The following RIMBP2 variants were observed in gnomAD, a reference collection of about 807,000 sequenced individuals.
RIMBP2 encodes RIMS binding protein 2, also known as RIMS-binding protein 2.
In RIMBP2, 48 loss-of-function variants were observed where a neutral mutation model predicts 118.6. The ratio of observed to expected loss-of-function variants is 0.40; its 90% CI spans 0.32 to 0.51. RIMBP2 has a LOEUF of 0.51. Ranked by LOEUF, RIMBP2 falls within the 20% of genes least tolerant of loss-of-function variation. The pLI, the probability that RIMBP2 is intolerant of heterozygous loss-of-function variation, is 0.41. For missense variants in RIMBP2, 1,551 were observed against 1,768.3 expected, an observed-to-expected ratio of 0.88 and a Z score of 2.20; for synonymous variants, 762 against 742.9, an observed-to-expected ratio of 1.03 and a Z score of -0.42.
At chr12:130,427,562 G>A (rs2076873948) in intron 15 of RIMBP2, 1 of 152,316 alleles carries the variant, frequency 6.6e-6, no homozygotes, top group African/African-American at 2.4e-5. Flanking sequence ...TATTCCTGCA[G>A]GTAACTGCCC....
intron 2 of RIMBP2, among the ~76,000 whole-genome samples, chr12:130,579,858 G>A (rs2058342957): frequency 6.6e-6 from 1 of 151,846 alleles, no homozygotes; most frequent in Non-Finnish European, 1.5e-5. Context: ...GGGAGGCAAG[G>A]GAGGCAAAAC....
intron 1 of RIMBP2, among the ~76,000 whole-genome samples, chr12:130,663,456 C>G (rs4759743): frequency 0.56 from 83,047 of 149,392 alleles, 24,091 homozygotes; most frequent in Non-Finnish European, 0.64. Flanking sequence ...GCCTTTTTTT[C>G]CACTGAAAAC....
chr12:130,451,266 G>T lies in RIMBP2; in HGVS notation c.433C>A (p.Pro145Thr), dbSNP rs776284629. ...IRPLPQPGDR[P>T]EPLSAKPTFL... The stretch of plus-strand genomic sequence containing the variant: ...GTGGGCTTGGCGGACAGAGGCTCCG[G>T]CCTGTCACCAGGCTGCGGAAGGGGC... Residue 145 changes from proline (P) to threonine (T), a missense_variant, in exon 8 of 23, where the codon CCG becomes ACG. Pro to Thr is a conservative substitution (Grantham distance 38, BLOSUM62 -1). Coordinates refer to ENST00000690449, the MANE Select transcript of RIMBP2 (RefSeq NM_001393629.1). The T allele has an allele frequency of 3.7e-6, 6 of 1,614,198 alleles. No individual in the cohort carries two copies. Among genetic ancestry groups the T allele is most frequent in the Non-Finnish European group, 5.1e-6 (6 of 1,180,036 alleles).
chr12:130,524,915 G>A (rs1318748448), intron 2 of RIMBP2, among the ~76,000 whole-genome samples: 1 of 152,206 alleles, frequency 6.6e-6, no homozygotes, highest in African/African-American at 2.4e-5. Context: ...GCAGGTTTAA[G>A]GGATGGGGCA....
In RIMBP2 at chr12:130,511,149, C is replaced by T. The variant is rs1439341379; in HGVS notation, c.-126-4379G>A. On this transcript the variant is annotated intron_variant, in intron 3 of 22. Coordinates refer to ENST00000690449, the MANE Select transcript of RIMBP2 (RefSeq NM_001393629.1). The surrounding 1 kb of genome is among the most constrained non-coding windows in gnomAD (Gnocchi z 4.3). ...GTCACAGAGCCCTTATCAGGAAAAG[C>T]AGAGTCAGAGACAAAAAAGAGAGAG... Among the ~76,000 whole-genome samples, 1 of 150,908 alleles carries T rather than the reference C, an allele frequency of 6.6e-6. No individual in the cohort carries two copies. The highest frequency in any genetic ancestry group is 1.5e-5 in the Non-Finnish European group (1 of 67,508).
At chr12:130,438,335 A>AGCCCCCCCCCCCCCCCC in intron 12 of RIMBP2, 30 bp downstream of exon 12, 2 of 865,010 alleles carry the variant, frequency 2.3e-6, no homozygotes, top group Non-Finnish European at 3.8e-6. Context: ...GGCCTAACAA[A>AGCCCCCCCCCCCCCCCC]CCCTCCCCAC....
chr12:130,441,306 C>T (rs765342629), intron 11 of RIMBP2, among the ~76,000 whole-genome samples: 50 of 151,682 alleles, frequency 3.3e-4, no homozygotes, highest in Non-Finnish European at 5.7e-4. Context: ...GAGGCTGAGG[C>T]AGGAGAATCG....
At position 130,619,602 on chromosome 12, in the gene RIMBP2, C is replaced by T. The variant is rs2061172810; in HGVS notation, c.-217+8720G>A. On this transcript the variant is annotated intron_variant, in intron 2 of 22. Transcript: ENST00000690449. ...ACACAAAACAGGAAATGCACACGCA[C>T]GTGTTATTCTTTCCATGGCGACTGA... is the stretch of plus-strand genomic sequence containing the variant. Among the ~76,000 whole-genome samples, 4 of 152,158 alleles carry T rather than the reference C, an allele frequency of 2.6e-5. No homozygotes were observed. In the South Asian group the frequency reaches 8.3e-4, roughly 32 times the overall value.
At chr12:130,677,359 G>A (rs2064539867) in intron 1 of RIMBP2, among the ~76,000 whole-genome samples, 1 of 152,172 alleles carries the variant, frequency 6.6e-6, no homozygotes, top group Non-Finnish European at 1.5e-5. Context: ...CGGGTGCAGT[G>A]GCTCACAGCT....
chr12:130,497,302 C>T (rs1327696106), intron 4 of RIMBP2, among the ~76,000 whole-genome samples: 2 of 152,206 alleles, frequency 1.3e-5, no homozygotes, highest in African/African-American at 4.8e-5. Flanking sequence ...AGCTTCTCAC[C>T]TGCCTTCTGC....
chr12:130,559,409 C>T (rs368200926), intron 2 of RIMBP2, among the ~76,000 whole-genome samples: 23 of 152,040 alleles, frequency 1.5e-4, no homozygotes, highest in Non-Finnish European at 2.2e-4. Context: ...GAGTAGATCA[C>T]GTGCCGTTTG....
At chr12:130,682,286 T>G (rs1457119766) in intron 1 of RIMBP2, among the ~76,000 whole-genome samples, 2 of 152,140 alleles carry the variant, frequency 1.3e-5, no homozygotes, top group Non-Finnish European at 2.9e-5. Context: ...TACTGCCGGC[T>G]GGATGCTGGG....
At position 130,431,634 on chromosome 12, in the gene RIMBP2, A is replaced by G. The variant is rs2077161281; in HGVS notation, c.2253+3100T>C. On this transcript the variant is annotated intron_variant, in intron 14 of 22. Transcript: ENST00000690449. The surrounding 1 kb of genome is among the most constrained non-coding windows in gnomAD (Gnocchi z 4.0). ...TATGTTATGAATACAACATAAAACA[A>G]TGCTGCTAAATATTAACGCTTTTTA... 1 of 155,570 alleles carries G rather than the reference A, an allele frequency of 6.4e-6. No homozygotes were observed. Among genetic ancestry groups the G allele is most frequent in the African/African-American group, 2.4e-5 (1 of 41,414 alleles). The allele number at this position is 155,570 out of a possible 1,614,324, so 9.6% of individuals were successfully genotyped here. A position where few individuals can be genotyped will look rare whatever the true frequency, so the allele number is the denominator to read the frequency against.
chr12:130,647,393 C>CTCCATGCAGTGACTT (rs1555317844), intron 1 of RIMBP2, among the ~76,000 whole-genome samples: 1 of 146,820 alleles, frequency 6.8e-6, no homozygotes, highest in African/African-American at 2.4e-5. Flanking sequence ...AAGGTAATAG[C>CTCCATGCAGTGACTT]AGCTTAAAAC....
At position 130,424,180 on chromosome 12, in the gene RIMBP2, G is replaced by T. The variant is rs1426716613; in HGVS notation, c.3091C>A (p.His1031Asn). The T allele has an allele frequency of 8.1e-7, 1 of 1,232,058 alleles. No homozygotes were observed. The highest frequency in any genetic ancestry group is 4.2e-5 in the Admixed American group (1 of 23,716). The allele number at this position is 1,232,058 out of a possible 1,614,324, so 76.3% of individuals were successfully genotyped here. Residue 1031 changes from histidine to asparagine, a missense_variant, in exon 16 of 23, where the codon CAC becomes AAC. Coordinates refer to ENST00000690449, the MANE Select transcript of RIMBP2 (RefSeq NM_001393629.1). This position sits in a 1 kb window ranked among gnomAD's most constrained non-coding sequence, Gnocchi z 9.8. ...GCGACTCTGGGAGGTGGCTTTGCGT[G>T]GGGGGCAGCTGCCCTACTGTCGGGC... ...TMPDSRAAAP[H>N]AKPPPRVAQG...
intron 1 of RIMBP2, among the ~76,000 whole-genome samples, chr12:130,638,874 G>A (rs2062471901): frequency 6.6e-6 from 1 of 152,162 alleles, no homozygotes; most frequent in East Asian, 1.9e-4. Context: ...TGCTATGACA[G>A]AGACACATTT....
chr12:130,399,607 G>A, intron 22 of RIMBP2, 72 bp downstream of exon 22: 2 of 1,537,828 alleles, frequency 1.3e-6, no homozygotes, highest in Admixed American at 1.8e-5. Context: ...AAAAATATCA[G>A]TGCAAAGATT....
At chr12:130,630,671 C>T (rs577193426) in intron 1 of RIMBP2, among the ~76,000 whole-genome samples, 4 of 152,258 alleles carry the variant, frequency 2.6e-5, no homozygotes, top group Admixed American at 6.5e-5. Context: ...GCCCTAAATA[C>T]TTCCCATAAC....
chr12:130,471,544 G>C (rs1218977379), intron 5 of RIMBP2, among the ~76,000 whole-genome samples: 1 of 152,118 alleles, frequency 6.6e-6, no homozygotes, highest in African/African-American at 2.4e-5. Flanking sequence ...CGTTTCAAAA[G>C]ACCCATGGAG....
Sources: allele counts gnomAD v4.1 joint callset (sites outside exome capture counted in the v4.1 genomes callset), GRCh38; gene constraint gnomAD v4.1.1; non-coding constraint Gnocchi (gnomAD v3.1); transcripts MANE v1.5; gene names NCBI Gene and HGNC (gene_info 2026-07-23, HGNC 2026-07-21).